NLGN1: variants seen among roughly 807,000 people sequenced by gnomAD.
The protein encoded by NLGN1 is neuroligin 1, also known as neuroligin-1.
NLGN1 carries 12 observed loss-of-function variants against 65.5 expected under a neutral mutation model. That is an observed-to-expected ratio of 0.18 (90% CI 0.12 to 0.30). The LOEUF (loss-of-function observed/expected upper bound fraction) is 0.30, where lower values mean the gene tolerates loss of function less well. Ranked by LOEUF, NLGN1 falls within the 10% of genes least tolerant of loss-of-function variation. The pLI is 1.00. For missense variants in NLGN1, 750 were observed against 1,007.1 expected (o/e 0.74, Z 3.46); for synonymous variants, 350 against 359.5 (o/e 0.97, Z 0.30).
intron 4 of NLGN1, among the ~76,000 whole-genome samples, chr3:173,893,469 G>A (rs925277244): frequency 1.3e-5 from 2 of 152,076 alleles, no homozygotes; most frequent in African/African-American, 2.4e-5. Context: ...TATAATCCAA[G>A]TAAAGAGTTT....
chr3:173,406,497 AAT>A (rs1409360424), intron 1 of NLGN1, among the ~76,000 whole-genome samples: 1 of 148,112 alleles, frequency 6.8e-6, no homozygotes, highest in African/African-American at 2.5e-5. Flanking sequence ...CTATGAATCA[AAT>A]ATATATATGA....
intron 4 of NLGN1, among the ~76,000 whole-genome samples, chr3:174,119,547 A>G (rs1717300402): frequency 1.3e-5 from 2 of 152,248 alleles, no homozygotes; most frequent in South Asian, 2.1e-4. Context: ...CAATCATTCT[A>G]TGGACTTACA....
chr3:173,520,027 T>C (rs147161249), intron 2 of NLGN1, among the ~76,000 whole-genome samples: 114 of 152,312 alleles, frequency 7.5e-4, no homozygotes, highest in Middle Eastern at 3.4e-3. Context: ...CTCGTGATAC[T>C]GAGTTCTTGT....
At position 174,028,056 on chromosome 3, in the gene NLGN1, G is replaced by T. The variant is rs1056425574; in HGVS notation, c.646+220224G>T. Among the ~76,000 whole-genome samples the T allele has an allele frequency of 2.0e-5, 3 of 152,110 alleles. No homozygotes were observed. The South Asian group carries it at 6.2e-4, about 32-fold the overall frequency. On this transcript the variant is annotated intron_variant, in intron 4 of 6. Coordinates refer to ENST00000457714, the Ensembl canonical transcript of NLGN1. Reference sequence around the variant, plus strand: ...CTGCCACCATGTAAGATGTGACTTTGCTCCTCATTCATCTTCTGTTATGAT... The same window carrying T: ...CTGCCACCATGTAAGATGTGACTTTTCTCCTCATTCATCTTCTGTTATGAT...
At chr3:173,548,692 T>C (rs9836417) in intron 2 of NLGN1, among the ~76,000 whole-genome samples, 7,780 of 152,050 alleles carry the variant, frequency 0.051, 627 homozygotes, top group African/African-American at 0.18. Flanking sequence ...GAAAGAAATA[T>C]ATGTATTTAA....
At chr3:173,907,199 G>A (rs1462421226) in intron 4 of NLGN1, among the ~76,000 whole-genome samples, 3 of 152,096 alleles carry the variant, frequency 2.0e-5, no homozygotes, top group Non-Finnish European at 2.9e-5. Flanking sequence ...ATAAAGAAAC[G>A]CCACCACCAG....
At chr3:173,433,721 G>C (rs1203738533) in intron 1 of NLGN1, among the ~76,000 whole-genome samples, 7 of 152,022 alleles carry the variant, frequency 4.6e-5, no homozygotes, top group African/African-American at 1.7e-4. Flanking sequence ...TGATCATTTT[G>C]CTCCCTCCTT....
chr3:173,862,591 G>A (rs932499084), intron 4 of NLGN1, among the ~76,000 whole-genome samples: 2 of 147,530 alleles, frequency 1.4e-5, no homozygotes, highest in African/African-American at 5.0e-5. Flanking sequence ...TGTAAAAATA[G>A]AGGGTACGCA....
intron 4 of NLGN1, chr3:173,920,462 CA>C (rs1447662700): frequency 6.6e-6 from 1 of 152,128 alleles, no homozygotes; most frequent in Non-Finnish European, 1.5e-5. Context: ...AAAGTTTACT[CA>C]AATGTCACAG....
chr3:174,199,667 G>T (rs562418464), intron 4 of NLGN1, among the ~76,000 whole-genome samples: 1 of 152,082 alleles, frequency 6.6e-6, no homozygotes, highest in Admixed American at 6.5e-5. Flanking sequence ...GCTCCGAAAG[G>T]CTCAGGGAAA....
intron 4 of NLGN1, among the ~76,000 whole-genome samples, chr3:173,961,357 T>C (rs1713523430): frequency 6.6e-6 from 1 of 152,068 alleles, no homozygotes; most frequent in Non-Finnish European, 1.5e-5. Flanking sequence ...CTAGCAGAGC[T>C]TGGTTTTGGG....
intron 2 of NLGN1, among the ~76,000 whole-genome samples, chr3:173,528,885 G>T (rs1278149003): frequency 2.0e-5 from 3 of 151,956 alleles, no homozygotes. Context: ...CCTTTTCTTT[G>T]ATCTCATTGA....
intron 4 of NLGN1, among the ~76,000 whole-genome samples, chr3:174,120,553 C>G (rs1048309901): frequency 1.3e-5 from 2 of 152,020 alleles, no homozygotes; most frequent in Non-Finnish European, 2.9e-5. Context: ...CTAGTTCCAC[C>G]TGGTCATCTC....
In NLGN1 at chr3:173,504,410, C is replaced by T. The variant is rs147474958; in HGVS notation, c.-321+69332C>T. On this transcript the variant is annotated intron_variant, in intron 2 of 6. Coordinates refer to ENST00000457714, the Ensembl canonical transcript of NLGN1. ...TTTCAGAAATAGTGTTTTTAATCCC[C>T]GTATATTGAATTTACTTCAGATTTA... Among the ~76,000 whole-genome samples, 371 of 152,078 alleles carry T rather than the reference C, an allele frequency of 2.4e-3. 1 individual carries two copies. The highest frequency in any genetic ancestry group is 8.5e-3 in the African/African-American group (351 of 41,502).
intron 4 of NLGN1, among the ~76,000 whole-genome samples, chr3:174,163,372 G>A (rs1324090760): frequency 6.6e-6 from 1 of 151,804 alleles, no homozygotes; most frequent in Non-Finnish European, 1.5e-5. Flanking sequence ...GAAAACTTTT[G>A]TTTTCCCTTG....
chr3:173,628,981 A>C (rs1426355351), intron 3 of NLGN1, among the ~76,000 whole-genome samples: 1 of 136,876 alleles, frequency 7.3e-6, no homozygotes, highest in East Asian at 2.1e-4. Flanking sequence ...CGCTGAATAT[A>C]ATATTTTTAT....
chr3:174,103,608 G>A (rs982427281), intron 4 of NLGN1, among the ~76,000 whole-genome samples: 1 of 152,006 alleles, frequency 6.6e-6, no homozygotes, highest in Non-Finnish European at 1.5e-5. Flanking sequence ...TAACTCAGCT[G>A]CATTTTTAAA....
chr3:173,436,482 G>C (rs533496356), intron 2 of NLGN1, among the ~76,000 whole-genome samples: 2 of 152,244 alleles, frequency 1.3e-5, no homozygotes, highest in South Asian at 4.1e-4. Flanking sequence ...CCTTACATTA[G>C]GGAAGTCAAA....
At chr3:174,265,886 ACG>A (rs1207310101) in intron 4 of NLGN1, among the ~76,000 whole-genome samples, 11 of 143,908 alleles carry the variant, frequency 7.6e-5, no homozygotes, top group Non-Finnish European at 1.4e-4. Flanking sequence ...ATATATATAT[ACG>A]TATATATGTA....
Sources: allele counts gnomAD v4.1 joint callset (sites outside exome capture counted in the v4.1 genomes callset), GRCh38; gene constraint gnomAD v4.1.1; transcripts MANE v1.5; gene names NCBI Gene and HGNC (gene_info 2026-07-23, HGNC 2026-07-21).